The following MDGA2 variants were observed in gnomAD, a reference collection of about 807,000 sequenced individuals.
The protein encoded by MDGA2 is MAM domain containing glycosylphosphatidylinositol anchor 2, also known as MAM domain-containing glycosylphosphatidylinositol anchor protein 2.
A neutral mutation model predicts 117.8 loss-of-function variants in MDGA2; 40 were observed. The ratio of observed to expected loss-of-function variants is 0.34; its 90% CI spans 0.26 to 0.44. The LOEUF (loss-of-function observed/expected upper bound fraction) is 0.44, where lower values mean the gene tolerates loss of function less well. Among genes scored for constraint, MDGA2 ranks in the 20% least tolerant of loss-of-function variants. MDGA2 has a pLI of 1.00. For missense variants in MDGA2, 1,123 were observed against 1,250.6 expected (o/e 0.90, Z 1.54); for synonymous variants, 452 against 439.0 (o/e 1.03, Z -0.37).
At chr14:47,525,303 T>G (rs1245316239) in intron 1 of MDGA2, among the ~76,000 whole-genome samples, 1 of 152,210 alleles carries the variant, frequency 6.6e-6, no homozygotes, top group Admixed American at 6.5e-5. Context: ...TCTCTTGGTC[T>G]TTTATGATCT....
chr14:47,210,420 T>G (rs1953550879), intron 3 of MDGA2, among the ~76,000 whole-genome samples: 1 of 152,142 alleles, frequency 6.6e-6, no homozygotes, highest in African/African-American at 2.4e-5. Flanking sequence ...ACCTTTAAAG[T>G]CATATGGCCT....
intron 9 of MDGA2, among the ~76,000 whole-genome samples, chr14:46,943,971 T>C (rs1255144340): frequency 6.6e-6 from 1 of 152,076 alleles, no homozygotes; most frequent in Non-Finnish European, 1.5e-5. Flanking sequence ...AGGCTGCTAT[T>C]TGTTGACCCC....
At chr14:47,122,881 C>T (rs540826004) in intron 5 of MDGA2, among the ~76,000 whole-genome samples, 68 of 152,142 alleles carry the variant, frequency 4.5e-4, no homozygotes, top group African/African-American at 1.5e-3. Context: ...TTTATTTTAG[C>T]ATATCCTCGA....
At position 47,242,613 on chromosome 14, in the gene MDGA2, G is replaced by T. The variant is rs576757332; in HGVS notation, c.421-24418C>A. 3.6e-4 allele frequency among the ~76,000 whole-genome samples: 55 copies of T among 151,908 alleles called. 1 individual carries two copies. Among genetic ancestry groups the T allele is most frequent in the South Asian group, 2.7e-3 (13 of 4,810 alleles). ...CCAGTGGCTGCGGAGGGTGTACTGA[G>T]TCCCCCAGCAGTGCTGGCCCACCAG... On this transcript the variant is annotated intron_variant, in intron 2 of 16. Coordinates refer to ENST00000399232, the MANE Select transcript of MDGA2 (RefSeq NM_001113498.3).
chr14:46,908,710 A>C (rs1159643158), intron 10 of MDGA2, among the ~76,000 whole-genome samples: 1 of 152,222 alleles, frequency 6.6e-6, no homozygotes, highest in Non-Finnish European at 1.5e-5. Context: ...TTAGGGTTAT[A>C]AATGTAGCCA....
At chr14:47,609,157 T>C (rs1594941753) in intron 1 of MDGA2, among the ~76,000 whole-genome samples, 3 of 151,442 alleles carry the variant, frequency 2.0e-5, no homozygotes, top group African/African-American at 4.9e-5. Flanking sequence ...GGAGCACCCA[T>C]CACCCAAGCA....
chr14:47,047,840 A>C (rs1335311503), intron 7 of MDGA2, among the ~76,000 whole-genome samples: 1 of 151,870 alleles, frequency 6.6e-6, no homozygotes, highest in Non-Finnish European at 1.5e-5. Flanking sequence ...TACCTATATA[A>C]ATAAATTTTA....
At chr14:47,198,027 C>A (rs1413262383) in intron 3 of MDGA2, among the ~76,000 whole-genome samples, 2 of 151,812 alleles carry the variant, frequency 1.3e-5, no homozygotes, top group Non-Finnish European at 2.9e-5. Flanking sequence ...TGCACTTTTG[C>A]AGCAATCCTG....
At chr14:47,415,533 T>A (rs1892457341) in intron 1 of MDGA2, among the ~76,000 whole-genome samples, 1 of 152,152 alleles carries the variant, frequency 6.6e-6, no homozygotes, top group African/African-American at 2.4e-5. Context: ...TTATTGTTAA[T>A]CTCTTACTGT....
At chr14:46,924,467 A>G (rs1399083351) in intron 9 of MDGA2, among the ~76,000 whole-genome samples, 1 of 152,124 alleles carries the variant, frequency 6.6e-6, no homozygotes, top group Non-Finnish European at 1.5e-5. Context: ...CTTGCTTTTG[A>G]AAATAATTCA....
chr14:47,465,550 A>T (rs1366672591), intron 1 of MDGA2, among the ~76,000 whole-genome samples: 1 of 152,234 alleles, frequency 6.6e-6, no homozygotes, highest in Non-Finnish European at 1.5e-5. Flanking sequence ...AAAAGAAGAC[A>T]TACATGTGGC....
chr14:47,574,067 A>G (rs575425173), intron 1 of MDGA2, among the ~76,000 whole-genome samples: 2 of 152,310 alleles, frequency 1.3e-5, no homozygotes, highest in East Asian at 1.9e-4. Flanking sequence ...AAGCAAAAAC[A>G]TTAGGTTATA....
chr14:47,316,178 C>A (rs1459896281), intron 1 of MDGA2, among the ~76,000 whole-genome samples: 3 of 152,104 alleles, frequency 2.0e-5, no homozygotes, highest in African/African-American at 7.2e-5. Flanking sequence ...TAGGACTTAC[C>A]ATACTTTCTG....
intron 3 of MDGA2, among the ~76,000 whole-genome samples, chr14:47,182,209 G>T (rs1423786855): frequency 6.6e-6 from 1 of 151,506 alleles, no homozygotes; most frequent in East Asian, 1.9e-4. Context: ...TTTTTTTCTT[G>T]TAATAATCAT....
chr14:47,120,453 G>T (rs1241106284), intron 5 of MDGA2, among the ~76,000 whole-genome samples: 1 of 152,120 alleles, frequency 6.6e-6, no homozygotes, highest in East Asian at 1.9e-4. Flanking sequence ...CTAAAAGGAG[G>T]TAGAAGAAAG....
chr14:47,629,060 C>G (rs1431140584), intron 1 of MDGA2, among the ~76,000 whole-genome samples: 1 of 152,202 alleles, frequency 6.6e-6, no homozygotes, highest in Non-Finnish European at 1.5e-5. Context: ...ATTCTAATAA[C>G]CACACCTAAC....
intron 1 of MDGA2, among the ~76,000 whole-genome samples, chr14:47,592,912 C>G: frequency 6.6e-6 from 1 of 152,270 alleles, no homozygotes; most frequent in Non-Finnish European, 1.5e-5. Flanking sequence ...TAAAGAACTT[C>G]TGCACAGCAA....
intron 8 of MDGA2, among the ~76,000 whole-genome samples, chr14:47,020,191 C>T (rs1226282862): frequency 2.0e-5 from 3 of 152,092 alleles, no homozygotes; most frequent in South Asian, 2.1e-4. Flanking sequence ...ACAATGAAAA[C>T]GCATCAGTGT....
chr14:47,207,545 G>A (rs1043393995), intron 3 of MDGA2, among the ~76,000 whole-genome samples: 3 of 151,862 alleles, frequency 2.0e-5, no homozygotes, highest in Non-Finnish European at 4.4e-5. Flanking sequence ...AATGGAATTT[G>A]TTCCCCTTTC....
Sources: gnomAD v4.1 joint callset for allele counts (sites outside exome capture counted in the v4.1 genomes callset) on GRCh38, gnomAD v4.1.1 for gene constraint, MANE v1.5 for transcripts, NCBI Gene and HGNC (gene_info 2026-07-23, HGNC 2026-07-21) for gene names.